SH3D19: variants seen among roughly 807,000 people sequenced by gnomAD.
The protein encoded by SH3D19 is SH3 domain-containing protein 19.
A neutral mutation model predicts 112.1 loss-of-function variants in SH3D19; 58 were observed. The observed-to-expected ratio is 0.52, with a 90% CI of 0.42 to 0.64. SH3D19 has a LOEUF of 0.64. SH3D19 is among the 30% of genes least tolerant of loss of function. The pLI, the probability that SH3D19 is intolerant of heterozygous loss-of-function variation, is 0.00. For missense variants in SH3D19, 1,090 were observed against 1,263.4 expected, an observed-to-expected ratio of 0.86 and a Z score of 2.08; for synonymous variants, 391 against 448.5, an observed-to-expected ratio of 0.87 and a Z score of 1.62.
At chr4:151,282,141 C>T (rs536781592) in intron 1 of SH3D19, 1 of 1,612,522 alleles carries the variant, frequency 6.2e-7, no homozygotes, top group South Asian at 1.1e-5. Context: ...CTTTCTTTTC[C>T]CCATAGGACC....
chr4:151,191,066 T>C (rs1168583397), intron 2 of SH3D19, among the ~76,000 whole-genome samples: 1 of 152,208 alleles, frequency 6.6e-6, no homozygotes, highest in African/African-American at 2.4e-5. Context: ...TAGATCGTTT[T>C]GGAGCTTTAA....
intron 1 of SH3D19, among the ~76,000 whole-genome samples, chr4:151,316,369 T>C (rs1729982225): frequency 6.6e-6 from 1 of 152,162 alleles, no homozygotes; most frequent in Non-Finnish European, 1.5e-5. Context: ...CTATACGGAA[T>C]ACTGCAACAC....
intron 8 of SH3D19, among the ~76,000 whole-genome samples, chr4:151,164,571 C>T (rs576701966): frequency 6.6e-5 from 10 of 151,506 alleles, no homozygotes; most frequent in Admixed American, 1.3e-4. Context: ...CAAAATGTAA[C>T]GTTACACTAA....
At chr4:151,324,337 C>T (rs1730837200) in intron 1 of SH3D19, among the ~76,000 whole-genome samples, 1 of 152,158 alleles carries the variant, frequency 6.6e-6, no homozygotes, top group African/African-American at 2.4e-5. Flanking sequence ...GGAATATTCG[C>T]TATATTCCAC....
chr4:151,120,690 C>T lies in SH3D19; in HGVS notation c.*1401G>A, dbSNP rs188198419. On this transcript the variant is annotated 3_prime_UTR_variant, in exon 20 of 20. Coordinates refer to ENST00000604030, the MANE Select transcript of SH3D19 (RefSeq NM_001378122.1). ...TTAGTCAAAGACCAAGTAAATATTACCTTCTTTGCAGAACTCCAGGTTGTA... is the reference window on the plus strand; with the variant it reads ...TTAGTCAAAGACCAAGTAAATATTATCTTCTTTGCAGAACTCCAGGTTGTA... 63 of 152,292 alleles carry T rather than the reference C, an allele frequency of 4.1e-4. No homozygotes were observed. Among genetic ancestry groups the T allele is most frequent in the Non-Finnish European group, 6.6e-4 (45 of 68,020 alleles). 9.4% of individuals were successfully genotyped at this position (152,292 alleles called of 1,614,324 possible). A position where few individuals can be genotyped will look rare whatever the true frequency, so the allele number is the denominator to read the frequency against.
intron 1 of SH3D19, among the ~76,000 whole-genome samples, chr4:151,237,320 TA>T (rs1220446789): frequency 2.6e-5 from 4 of 152,240 alleles, no homozygotes; most frequent in Non-Finnish European, 5.9e-5. Flanking sequence ...ATTTTTTCTT[TA>T]ATTCTATCAC....
chr4:151,221,401 G>C (rs1234023929), intron 2 of SH3D19, among the ~76,000 whole-genome samples: 2 of 152,178 alleles, frequency 1.3e-5, no homozygotes, highest in Non-Finnish European at 2.9e-5. Flanking sequence ...CTGGCCTGGC[G>C]GGGTAGCCCT....
intron 1 of SH3D19, chr4:151,277,336 A>G (rs1773730809): frequency 2.5e-6 from 2 of 797,376 alleles, no homozygotes; most frequent in Non-Finnish European, 1.8e-6. Context: ...TGAGTAGCAC[A>G]GCCTGAGAAG....
rs1748023638 is a variant in SH3D19 at position 151,121,903 on chromosome 4, A to G, written c.*188T>C. 4.2e-6 allele frequency: 2 copies of G among 472,040 alleles called. No homozygotes were observed. The highest frequency in any genetic ancestry group is 4.0e-5 in the African/African-American group (2 of 49,786). 29.2% of individuals were successfully genotyped at this position (472,040 alleles called of 1,614,324 possible). ...TCCTAGCTCATGGGTTTCCATGTGC[A>G]TGTTTCTATTGTAATGAAAATTAAC... On this transcript the variant is annotated 3_prime_UTR_variant, in exon 20 of 20. Coordinates refer to ENST00000604030, the MANE Select transcript of SH3D19 (RefSeq NM_001378122.1).
intron 1 of SH3D19, among the ~76,000 whole-genome samples, chr4:151,311,061 T>C (rs548934415): frequency 3.4e-5 from 5 of 149,050 alleles, no homozygotes; most frequent in East Asian, 2.0e-4. Flanking sequence ...TTGTGAATAA[T>C]GCTGCAGTGA....
At chr4:151,212,942 G>A (rs907379458) in intron 2 of SH3D19, among the ~76,000 whole-genome samples, 1 of 152,186 alleles carries the variant, frequency 6.6e-6, no homozygotes, top group Admixed American at 6.5e-5. Context: ...GGAAGAAGTC[G>A]ATTCCAACCC....
intron 7 of SH3D19, among the ~76,000 whole-genome samples, chr4:151,172,466 A>C (rs1322987296): frequency 6.6e-6 from 1 of 152,214 alleles, no homozygotes; most frequent in Non-Finnish European, 1.5e-5. Context: ...AAAGTGGGGC[A>C]GAAGAGGGAA....
chr4:151,141,577 C>T (rs904197237), intron 12 of SH3D19, among the ~76,000 whole-genome samples: 2 of 152,074 alleles, frequency 1.3e-5, no homozygotes, highest in African/African-American at 2.4e-5. Context: ...CCCAGGAACT[C>T]GAGGCTGCAG....
chr4:151,170,558 C>A (rs1758871192), intron 7 of SH3D19: 1 of 151,934 alleles, frequency 6.6e-6, no homozygotes, highest in Admixed American at 6.6e-5. Flanking sequence ...TAACAAGTAG[C>A]TTCTATTTGT....
At chr4:151,241,705 C>G (rs1297816758) in intron 1 of SH3D19, among the ~76,000 whole-genome samples, 1 of 151,750 alleles carries the variant, frequency 6.6e-6, no homozygotes, top group Non-Finnish European at 1.5e-5. Context: ...AAATTGTACA[C>G]TTTAAATGGG....
chr4:151,189,280 A>T (rs1762263222), intron 2 of SH3D19, among the ~76,000 whole-genome samples: 1 of 151,544 alleles, frequency 6.6e-6, no homozygotes, highest in Admixed American at 6.6e-5. Context: ...TGCCCAGCTG[A>T]TTTTTTGTAT....
chr4:151,128,144 G>T, intron 18 of SH3D19, 26 bp downstream of exon 18: 1 of 1,554,154 alleles, frequency 6.4e-7, no homozygotes, highest in Non-Finnish European at 8.7e-7. Context: ...GTGAGGAGTC[G>T]CATTCATGTC....
chr4:151,284,954 G>A (rs1774600356), intron 1 of SH3D19, among the ~76,000 whole-genome samples: 1 of 152,068 alleles, frequency 6.6e-6, no homozygotes, highest in Admixed American at 6.6e-5. Flanking sequence ...TCTCCTTTCT[G>A]GTATATTTCC....
Position 151,120,919 on chromosome 4 carries a change from C to T in SH3D19, c.*1172G>A, listed in dbSNP as rs192749579. ...GGATGATTGTCTTCAACCTATTTGG[C>T]TCTAGCCCATAAATTGTAATTGATT... On this transcript the variant is annotated 3_prime_UTR_variant, in exon 20 of 20. Coordinates refer to ENST00000604030, the MANE Select transcript of SH3D19 (RefSeq NM_001378122.1). The T allele has an allele frequency of 3.1e-3, 479 of 152,758 alleles. 2 individuals carry two copies. The highest frequency in any genetic ancestry group is 0.02 in the Middle Eastern group (6 of 294). The allele number at this position is 152,758 out of a possible 1,614,324, so 9.5% of individuals were successfully genotyped here. A position where few individuals can be genotyped will look rare whatever the true frequency, so the allele number is the denominator to read the frequency against.
Sources: gnomAD v4.1 joint callset for allele counts (sites outside exome capture counted in the v4.1 genomes callset) on GRCh38, gnomAD v4.1.1 for gene constraint, MANE v1.5 for transcripts, NCBI Gene and HGNC (gene_info 2026-07-23, HGNC 2026-07-21) for gene names.